Variants in PPP2R3A observed in about 807,000 individuals in gnomAD.
PPP2R3A encodes the protein protein phosphatase 2 regulatory subunit B''alpha.
Under a neutral mutation model 106.9 loss-of-function variants are expected in PPP2R3A, and 80 were observed. That is an observed-to-expected ratio of 0.75 (90% CI 0.62 to 0.90). The LOEUF is 0.90. PPP2R3A is among the 40% of genes least tolerant of loss of function. The pLI is 0.00. For synonymous variants in PPP2R3A, 483 were observed against 468.3 expected (o/e 1.03, Z -0.41); for missense variants, 1,386 against 1,350.4 (o/e 1.03, Z -0.41).
chr3:135,970,227 G>A (rs1216101903), intron 1 of PPP2R3A, among the ~76,000 whole-genome samples: 2 of 152,198 alleles, frequency 1.3e-5, no homozygotes, highest in Non-Finnish European at 1.5e-5. Context: ...TTTAGTAGAG[G>A]AGGATAGCCC....
intron 1 of PPP2R3A, among the ~76,000 whole-genome samples, chr3:135,973,829 A>G (rs1937317332): frequency 6.6e-6 from 1 of 152,158 alleles, no homozygotes; most frequent in Non-Finnish European, 1.5e-5. Flanking sequence ...GATACCGGAG[A>G]TATAGTGCCT....
intron 13 of PPP2R3A, among the ~76,000 whole-genome samples, chr3:136,126,275 C>T (rs535934005): frequency 2.0e-4 from 31 of 152,356 alleles, no homozygotes; most frequent in African/African-American, 7.0e-4. Flanking sequence ...CTAAATACTG[C>T]GCTTTGCTCA....
In PPP2R3A at chr3:135,990,863, G is replaced by A. The variant is rs1380998998; in HGVS notation, c.-440-10196G>A. ...GAGTAATATCCCACAATGCACATTTGATCTTGTCTCCTCTCGCAGCCACAA... is the reference window on the plus strand; with the variant it reads ...GAGTAATATCCCACAATGCACATTTAATCTTGTCTCCTCTCGCAGCCACAA... On this transcript the variant is annotated intron_variant, in intron 1 of 13. Transcript: ENST00000264977. Among the ~76,000 whole-genome samples the A allele has an allele frequency of 3.3e-5, 5 of 151,808 alleles. No individual in the cohort carries two copies. In the Admixed American group the frequency reaches 3.3e-4, roughly 10 times the overall value.
At chr3:136,055,857 C>T in intron 5 of PPP2R3A, 2 of 469,830 alleles carry the variant, frequency 4.3e-6, no homozygotes, top group Non-Finnish European at 7.6e-6. Flanking sequence ...TTAGTAGACA[C>T]TGCAGTCTTA....
At chr3:136,011,995 A>ACACG (rs1491156248) in intron 2 of PPP2R3A, among the ~76,000 whole-genome samples, 1 of 58,894 alleles carries the variant, frequency 1.7e-5, no homozygotes. Context: ...ACACACACAT[A>ACACG]CACACACACA....
intron 5 of PPP2R3A, among the ~76,000 whole-genome samples, chr3:136,058,888 T>C (rs1351509152): frequency 6.6e-6 from 1 of 152,078 alleles, no homozygotes; most frequent in Non-Finnish European, 1.5e-5. Flanking sequence ...CAAAAGCAAT[T>C]GGGAAAGGAT....
chr3:136,073,800 C>G (rs1936514478), intron 6 of PPP2R3A, among the ~76,000 whole-genome samples: 1 of 152,284 alleles, frequency 6.6e-6, no homozygotes, highest in South Asian at 2.1e-4. Flanking sequence ...CAAATAATGG[C>G]ATGAAGTCAT....
chr3:135,988,232 ATCT>A (rs1028940322), intron 1 of PPP2R3A, among the ~76,000 whole-genome samples: 10 of 150,752 alleles, frequency 6.6e-5, no homozygotes, highest in African/African-American at 2.4e-4. Context: ...GTGAGTTCTC[ATCT>A]TCAGTTGTTC....
At chr3:136,006,219 A>T (rs1386127817) in intron 2 of PPP2R3A, among the ~76,000 whole-genome samples, 1 of 152,246 alleles carries the variant, frequency 6.6e-6, no homozygotes, top group African/African-American at 2.4e-5. Context: ...ATCACAGAAT[A>T]TAATAAAATT....
At chr3:136,033,617 T>A (rs541622096) in intron 3 of PPP2R3A, among the ~76,000 whole-genome samples, 1 of 152,112 alleles carries the variant, frequency 6.6e-6, no homozygotes, top group Non-Finnish European at 1.5e-5. Context: ...GCTAGAAGGG[T>A]TGTATCTTTC....
chr3:136,079,437 C>T (rs1936710721), intron 7 of PPP2R3A, among the ~76,000 whole-genome samples: 2 of 137,514 alleles, frequency 1.5e-5, no homozygotes, highest in African/African-American at 5.5e-5. Flanking sequence ...GAGACAGAGT[C>T]TTGCTCTCTT....
At chr3:136,076,913 C>A (rs1018202040) in intron 6 of PPP2R3A, among the ~76,000 whole-genome samples, 2 of 151,086 alleles carry the variant, frequency 1.3e-5, no homozygotes, top group Non-Finnish European at 2.9e-5. Flanking sequence ...TGCCACTGCA[C>A]TCCAGCCTGG....
At chr3:135,987,783 TA>T (rs1437865992) in intron 1 of PPP2R3A, among the ~76,000 whole-genome samples, 1 of 152,206 alleles carries the variant, frequency 6.6e-6, no homozygotes, top group Non-Finnish European at 1.5e-5. Context: ...TGCATGTAGT[TA>T]TTTCAATTGG....
chr3:136,130,611 T>TC (rs1938374908), intron 13 of PPP2R3A, among the ~76,000 whole-genome samples: 1 of 152,108 alleles, frequency 6.6e-6, no homozygotes, highest in African/African-American at 2.4e-5. Context: ...TGCAGTGCCA[T>TC]CCCCTTCAAG....
At position 136,040,949 on chromosome 3, in the gene PPP2R3A, G is replaced by A; in HGVS notation, c.2353G>A (p.Ala785Thr). The change falls in exon 4 of 14, where the codon GCC (alanine) becomes ACC (threonine). Residue 785 changes from alanine (A) to threonine (T), a missense_variant. Transcript: ENST00000264977. The part of the protein sequence containing the change: ...TGFVTAQSFI[A>T]MWRKLLNNHH... ...ATTTGTGACAGCACAGTCATTCATT[G>A]CCATGTGGAGAAAGTAAGTATGTGA... is the stretch of plus-strand genomic sequence containing the variant. The A allele has an allele frequency of 1.2e-6, 2 of 1,613,182 alleles. No individual in the cohort carries two copies. The highest frequency in any genetic ancestry group is 1.7e-6 in the Non-Finnish European group (2 of 1,179,580).
intron 2 of PPP2R3A, among the ~76,000 whole-genome samples, chr3:136,006,657 T>C (rs913315417): frequency 1.3e-5 from 2 of 152,206 alleles, no homozygotes; most frequent in Non-Finnish European, 2.9e-5. Context: ...AAAAGTATGG[T>C]GAATGATACA....
intron 5 of PPP2R3A, among the ~76,000 whole-genome samples, chr3:136,057,772 G>A (rs916173807): frequency 6.6e-6 from 1 of 152,082 alleles, no homozygotes; most frequent in Admixed American, 6.6e-5. Flanking sequence ...TGTTAGAATG[G>A]TTATTATCAA....
intron 7 of PPP2R3A, among the ~76,000 whole-genome samples, chr3:136,079,629 CA>C (rs1166043519): frequency 6.6e-6 from 1 of 151,864 alleles, no homozygotes; most frequent in African/African-American, 2.4e-5. Context: ...GGCTGGTCTC[CA>C]ACTCCTGACC....
At chr3:136,116,995 A>C (rs891940063) in intron 13 of PPP2R3A, among the ~76,000 whole-genome samples, 1 of 152,152 alleles carries the variant, frequency 6.6e-6, no homozygotes, top group Non-Finnish European at 1.5e-5. Flanking sequence ...GAAGTAAAGC[A>C]CTCCTCAGCA....
Sources: allele counts gnomAD v4.1 joint callset (sites outside exome capture counted in the v4.1 genomes callset), GRCh38; gene constraint gnomAD v4.1.1; transcripts MANE v1.5; gene names NCBI Gene and HGNC (gene_info 2026-07-23, HGNC 2026-07-21).